The following LINGO2 variants were observed in gnomAD, a reference collection of about 807,000 sequenced individuals.
LINGO2 encodes leucine rich repeat and Ig domain containing 2.
In LINGO2, 14 loss-of-function variants were observed where a neutral mutation model predicts 30.6. The ratio of observed to expected loss-of-function variants is 0.46; its 90% CI spans 0.30 to 0.72. The LOEUF is 0.72. Ranked by LOEUF, LINGO2 falls within the 30% of genes least tolerant of loss-of-function variation. The pLI, the probability that LINGO2 is intolerant of heterozygous loss-of-function variation, is 0.07. For synonymous variants in LINGO2, 317 were observed against 288.5 expected, an observed-to-expected ratio of 1.10 and a Z score of -1.00; for missense variants, 729 against 751.7, an observed-to-expected ratio of 0.97 and a Z score of 0.35.
At chr9:28,875,770 G>C in the LINGO2 span, among the ~76,000 whole-genome samples, 3 of 152,020 alleles carry the variant, frequency 2.0e-5, no homozygotes, top group Non-Finnish European at 4.4e-5. Context: ...TTCCAGAAAG[G>C]TGCTATTGAC....
the LINGO2 span, among the ~76,000 whole-genome samples, chr9:29,061,785 T>C: frequency 6.6e-6 from 1 of 151,986 alleles, no homozygotes; most frequent in Non-Finnish European, 1.5e-5. Flanking sequence ...TTCTTGGATA[T>C]GACACCAAAA....
At chr9:28,819,786 T>C in the LINGO2 span, among the ~76,000 whole-genome samples, 77,621 of 152,022 alleles carry the variant, frequency 0.51, 20,389 homozygotes, top group Middle Eastern at 0.66. Context: ...AAATTCACAG[T>C]TTCCTTGTGA....
the LINGO2 span, among the ~76,000 whole-genome samples, chr9:28,854,696 G>C: frequency 6.6e-6 from 1 of 151,832 alleles, no homozygotes; most frequent in African/African-American, 2.4e-5. Context: ...CTTTGGTTTT[G>C]GGCAGTCAAA....
At chr9:28,027,771 T>C (rs35717930) in intron 4 of LINGO2, among the ~76,000 whole-genome samples, 1 of 152,184 alleles carries the variant, frequency 6.6e-6, no homozygotes. Context: ...ATAAGAGCTA[T>C]CATTCTAGCC....
chr9:28,434,173 G>GATAT (rs1214421912), intron 2 of LINGO2, among the ~76,000 whole-genome samples: 1 of 151,530 alleles, frequency 6.6e-6, no homozygotes, highest in Non-Finnish European at 1.5e-5. Context: ...GCATAAGAAT[G>GATAT]ATATAATGGA....
the LINGO2 span, among the ~76,000 whole-genome samples, chr9:29,123,357 G>T: frequency 3.9e-5 from 6 of 151,942 alleles, no homozygotes; most frequent in Admixed American, 3.3e-4. Context: ...ATAGACAAAA[G>T]AACACTCCAC....
At chr9:27,973,282 G>T (rs1458831859) in intron 5 of LINGO2, among the ~76,000 whole-genome samples, 1 of 152,150 alleles carries the variant, frequency 6.6e-6, no homozygotes, top group Non-Finnish European at 1.5e-5. Flanking sequence ...TCCAGTTTTA[G>T]TATACTAAGA....
intron 4 of LINGO2, among the ~76,000 whole-genome samples, chr9:28,057,804 T>G (rs1183303724): frequency 1.3e-5 from 2 of 151,864 alleles, no homozygotes; most frequent in Non-Finnish European, 2.9e-5. Flanking sequence ...AAGTATCTAC[T>G]CTCTTCCGGC....
chr9:28,590,986 C>T (rs540916156), intron 1 of LINGO2, among the ~76,000 whole-genome samples: 3 of 151,954 alleles, frequency 2.0e-5, no homozygotes, highest in Admixed American at 6.6e-5. Flanking sequence ...CCATAAAAAA[C>T]GATGAGTTCA....
At chr9:28,387,456 G>A (rs1235702547) in intron 2 of LINGO2, among the ~76,000 whole-genome samples, 2 of 152,160 alleles carry the variant, frequency 1.3e-5, no homozygotes, top group Admixed American at 1.3e-4. Flanking sequence ...ATAAAAGCTG[G>A]CCACTGGAGC....
chr9:28,984,630 G>A, the LINGO2 span, among the ~76,000 whole-genome samples: 189 of 151,986 alleles, frequency 1.2e-3, 1 homozygote, highest in Non-Finnish European at 1.5e-3. Context: ...CATTAAAATA[G>A]AAAAGATCAC....
intron 4 of LINGO2, among the ~76,000 whole-genome samples, chr9:28,277,973 CT>C (rs1482595752): frequency 4.6e-5 from 7 of 152,022 alleles, no homozygotes; most frequent in African/African-American, 1.7e-4. Context: ...AATGAAAGTT[CT>C]TGAAGAAAAT....
intron 4 of LINGO2, among the ~76,000 whole-genome samples, chr9:28,189,973 A>T (rs976056563): frequency 6.6e-6 from 1 of 152,132 alleles, no homozygotes; most frequent in African/African-American, 2.4e-5. Flanking sequence ...AGTGAAACAT[A>T]AGAACAGGAA....
chr9:28,186,133 A>C (rs891788730), intron 4 of LINGO2, among the ~76,000 whole-genome samples: 3 of 152,082 alleles, frequency 2.0e-5, no homozygotes, highest in African/African-American at 7.2e-5. Flanking sequence ...ACCCAGCTTC[A>C]TGTCCTTGCC....
intron 4 of LINGO2, among the ~76,000 whole-genome samples, chr9:28,188,759 A>G (rs896797797): frequency 2.6e-5 from 4 of 152,170 alleles, no homozygotes; most frequent in African/African-American, 9.7e-5. Flanking sequence ...TATTCCCATA[A>G]TTAATAAATA....
intron 1 of LINGO2, among the ~76,000 whole-genome samples, chr9:28,658,751 G>C (rs1304964551): frequency 1.3e-5 from 2 of 152,002 alleles, no homozygotes; most frequent in East Asian, 3.9e-4. Context: ...TTGAACCACT[G>C]TATTTTGGAG....
the LINGO2 span, among the ~76,000 whole-genome samples, chr9:29,098,944 C>T: frequency 5.5e-4 from 84 of 152,214 alleles, no homozygotes; most frequent in African/African-American, 1.9e-3. Context: ...GCAAAAAGAA[C>T]GAAACTGGAT....
At chr9:28,306,848 T>G (rs937104223) in intron 3 of LINGO2, among the ~76,000 whole-genome samples, 1 of 152,110 alleles carries the variant, frequency 6.6e-6, no homozygotes, top group Non-Finnish European at 1.5e-5. Context: ...ATAAATTCCT[T>G]GACACATACA....
At chr9:27,949,739 G>A (rs761313947) in exon 6 of LINGO2, 2 of 1,614,158 alleles carry the variant, frequency 1.2e-6, no homozygotes, top group Admixed American at 3.3e-5. Flanking sequence ...GAGGCTCAAT[G>A]GTGCGAAGCT....
Sources: gnomAD v4.1 joint callset for allele counts (sites outside exome capture counted in the v4.1 genomes callset) on GRCh38, gnomAD v4.1.1 for gene constraint, MANE v1.5 for transcripts, NCBI Gene and HGNC (gene_info 2026-07-23, HGNC 2026-07-21) for gene names.